The following BCL2L13 variants were observed in gnomAD, a reference collection of about 807,000 sequenced individuals.
BCL2L13 encodes BCL2 like 13, also known as bcl-2-like protein 13.
A neutral mutation model predicts 25.8 loss-of-function variants in BCL2L13; 13 were observed. The observed-to-expected ratio is 0.50, with a 90% CI of 0.33 to 0.80. The LOEUF (loss-of-function observed/expected upper bound fraction) is 0.80, where lower values mean the gene tolerates loss of function less well. Among genes scored for constraint, BCL2L13 ranks in the 30% least tolerant of loss-of-function variants. BCL2L13 has a pLI of 0.02. For synonymous variants in BCL2L13, 244 were observed against 230.3 expected, an observed-to-expected ratio of 1.06 and a Z score of -0.54; for missense variants, 504 against 574.9, an observed-to-expected ratio of 0.88 and a Z score of 1.26.
At chr22:17,725,136 G>C (rs373595932) in intron 6 of BCL2L13, among the ~76,000 whole-genome samples, 1 of 152,184 alleles carries the variant, frequency 6.6e-6, no homozygotes, top group Non-Finnish European at 1.5e-5. Flanking sequence ...AAGAGTCTCC[G>C]TGTCTGCAGC....
In BCL2L13 at chr22:17,726,679, C is replaced by T; in HGVS notation, c.603C>T (p.Gly201=). ...TGACGCTTGTCCTTCGTTTCTAGGGCACTGTGTTTAGTCTTGAGTCAGAGG... is the reference window on the plus strand; with the variant it reads ...TGACGCTTGTCCTTCGTTTCTAGGGTACTGTGTTTAGTCTTGAGTCAGAGG... The part of the protein sequence containing the change: ...AEYIIQQGGW[G]TVFSLESEEE... Residue 201 remains glycine (G), a splice_region_variant and synonymous_variant, in exon 7 of 7, where the codon GGC becomes GGT. Coordinates refer to ENST00000317582, the MANE Select transcript of BCL2L13 (RefSeq NM_015367.4). The T allele has an allele frequency of 6.2e-7, 1 of 1,609,368 alleles. No individual in the cohort carries two copies. The highest frequency in any genetic ancestry group is 1.3e-5 in the African/African-American group (1 of 74,934).
chr22:17,665,884 C>T lies in BCL2L13; in HGVS notation c.121+10052C>T, dbSNP rs140038821. Among the ~76,000 whole-genome samples the T allele has an allele frequency of 3.0e-3, 462 of 152,276 alleles. 2 individuals carry two copies. Among genetic ancestry groups the T allele is most frequent in the African/African-American group, 0.011 (446 of 41,566 alleles). On this transcript the variant is annotated intron_variant, in intron 2 of 6. Coordinates refer to ENST00000317582, the MANE Select transcript of BCL2L13 (RefSeq NM_015367.4). ...TGTTTATCGAGTCACCTTTCAAGAA[C>T]ATCTCAGTTCCTTCCAAATTTTGGC...
chr22:17,689,981 A>G (rs1471208755), intron 4 of BCL2L13, among the ~76,000 whole-genome samples: 1 of 152,186 alleles, frequency 6.6e-6, no homozygotes, highest in African/African-American at 2.4e-5. Flanking sequence ...GGTTCTGACC[A>G]TATTAAAGCT....
At chr22:17,721,524 A>ATT (rs1361892035) in intron 6 of BCL2L13, among the ~76,000 whole-genome samples, 2 of 63,762 alleles carry the variant, frequency 3.1e-5, no homozygotes, top group East Asian at 1.1e-3. Flanking sequence ...ACTTATAAGA[A>ATT]ATTTTTTTTT....
rs768188271 is a variant in BCL2L13 at position 17,689,111 on chromosome 22, C to T, written c.355C>T (p.Leu119Phe). The T allele has an allele frequency of 1.9e-6, 3 of 1,614,160 alleles. No homozygotes were observed. The highest frequency in any genetic ancestry group is 1.3e-5 in the African/African-American group (1 of 75,050). Residue 119 changes from leucine (L) to phenylalanine (F), a missense_variant, in exon 4 of 7, where the codon CTC becomes TTC. Transcript: ENST00000317582. ...EKVSQELKEP[L>F]HKALQMLLSQ... ...AGTGTCCCAGGAACTGAAAGAGCCT[C>T]TCCATAAAGCATTGCAAATGCTCCT...
intron 2 of BCL2L13, among the ~76,000 whole-genome samples, chr22:17,673,019 C>T (rs1264867088): frequency 1.3e-5 from 2 of 152,162 alleles, no homozygotes; most frequent in African/African-American, 4.8e-5. Context: ...AATAATAATT[C>T]TATTTACCAG....
chr22:17,647,760 C>T (rs576274068), intron 1 of BCL2L13, among the ~76,000 whole-genome samples: 1 of 152,286 alleles, frequency 6.6e-6, no homozygotes, highest in South Asian at 2.1e-4. Flanking sequence ...TAGAGGATTA[C>T]TGTGACAACA....
At chr22:17,684,940 GC>G (rs2059874659) in intron 3 of BCL2L13, among the ~76,000 whole-genome samples, 1 of 152,082 alleles carries the variant, frequency 6.6e-6, no homozygotes. Flanking sequence ...CAGCGTGTTA[GC>G]CAGGATGGTC....
chr22:17,657,189 A>C (rs2058902572), intron 2 of BCL2L13, among the ~76,000 whole-genome samples: 1 of 152,218 alleles, frequency 6.6e-6, no homozygotes, highest in South Asian at 2.1e-4. Flanking sequence ...AACAGCCACC[A>C]AGCCAGAGAA....
chr22:17,727,791 G>A lies in BCL2L13; in HGVS notation c.*257G>A. On this transcript the variant is annotated 3_prime_UTR_variant, in exon 7 of 7. Coordinates refer to ENST00000317582, the MANE Select transcript of BCL2L13 (RefSeq NM_015367.4). ...GGTAAAGCACCCCCTCCAGGACCGGGTTTCTCAGCCTTGGCACTAGTGCTG... is the reference window on the plus strand; with the variant it reads ...GGTAAAGCACCCCCTCCAGGACCGGATTTCTCAGCCTTGGCACTAGTGCTG... The A allele has an allele frequency of 3.7e-6, 2 of 539,166 alleles. No individual in the cohort carries two copies. The highest frequency in any genetic ancestry group is 6.6e-6 in the Non-Finnish European group (2 of 302,754). The allele number at this position is 539,166 out of a possible 1,614,324, so 33.4% of individuals were successfully genotyped here.
intron 6 of BCL2L13, among the ~76,000 whole-genome samples, chr22:17,721,559 A>G (rs1262982847): frequency 8.4e-6 from 1 of 118,744 alleles, no homozygotes; most frequent in East Asian, 2.5e-4. Context: ...GTAAGTCTTA[A>G]TGCCACCCAG....
chr22:17,651,434 G>A (rs2058683359), intron 1 of BCL2L13, among the ~76,000 whole-genome samples: 1 of 151,622 alleles, frequency 6.6e-6, no homozygotes, highest in Non-Finnish European at 1.5e-5. Context: ...CCAGGCTGGA[G>A]TGCAATGACC....
intron 3 of BCL2L13, among the ~76,000 whole-genome samples, chr22:17,687,662 G>A (rs866308214): frequency 6.6e-6 from 1 of 151,458 alleles, no homozygotes; most frequent in African/African-American, 2.4e-5. Flanking sequence ...GATTACAGGC[G>A]CCCGCCACCA....
chr22:17,720,326 A>G (rs1445413708), intron 6 of BCL2L13, among the ~76,000 whole-genome samples: 1 of 151,932 alleles, frequency 6.6e-6, no homozygotes, highest in African/African-American at 2.4e-5. Flanking sequence ...ACAGGTGTAC[A>G]TCACCAAGAC....
At chr22:17,704,552 G>T (rs1160520937) in intron 6 of BCL2L13, among the ~76,000 whole-genome samples, 3 of 151,838 alleles carry the variant, frequency 2.0e-5, no homozygotes, top group African/African-American at 7.3e-5. Context: ...AAGGCAGGCG[G>T]ATCACCTGAG....
intron 1 of BCL2L13, among the ~76,000 whole-genome samples, chr22:17,631,339 T>C (rs1297131424): frequency 1.3e-5 from 2 of 151,878 alleles, no homozygotes; most frequent in Non-Finnish European, 2.9e-5. Context: ...TCAGATGATC[T>C]GCCTGCCTTG....
chr22:17,665,133 A>C (rs1384799626), intron 2 of BCL2L13, among the ~76,000 whole-genome samples: 1 of 152,150 alleles, frequency 6.6e-6, no homozygotes, highest in Middle Eastern at 3.2e-3. Flanking sequence ...TTCCTCTTGA[A>C]GCTTTGTTGC....
chr22:17,680,517 A>G (rs2059712887), intron 2 of BCL2L13, among the ~76,000 whole-genome samples: 1 of 82,402 alleles, frequency 1.2e-5, no homozygotes, highest in South Asian at 3.4e-4. Flanking sequence ...GTCTCAAAAA[A>G]AAAAAAAAAA....
chr22:17,704,634 G>C (rs1024380484), intron 6 of BCL2L13, among the ~76,000 whole-genome samples: 7 of 151,896 alleles, frequency 4.6e-5, no homozygotes, highest in African/African-American at 1.7e-4. Flanking sequence ...AAATCATCTG[G>C]GTGTGGCTGA....
Sources: gnomAD v4.1 joint callset for allele counts (sites outside exome capture counted in the v4.1 genomes callset) on GRCh38, gnomAD v4.1.1 for gene constraint, MANE v1.5 for transcripts, NCBI Gene and HGNC (gene_info 2026-07-23, HGNC 2026-07-21) for gene names.